Variants in ZNF766 observed in about 807,000 individuals in gnomAD.
The protein encoded by ZNF766 is zinc finger protein 766.
In ZNF766, 13 loss-of-function variants were observed where a neutral mutation model predicts 13.2. The ratio of observed to expected loss-of-function variants is 0.98; its 90% confidence interval spans 0.64 to 1.56. The LOEUF is 1.56. Ranked by LOEUF, ZNF766 falls within the 40% of genes most tolerant of loss-of-function variation. The pLI is 0.00. For missense variants in ZNF766, 521 were observed against 552.2 expected, an observed-to-expected ratio of 0.94 and a Z score of 0.57; for synonymous variants, 178 against 187.6, an observed-to-expected ratio of 0.95 and a Z score of 0.42.
At chr19:52,270,686 T>TG (rs1196768339) in intron 1 of ZNF766, among the ~76,000 whole-genome samples, 1 of 151,254 alleles carries the variant, frequency 6.6e-6, no homozygotes, top group Non-Finnish European at 1.5e-5. Flanking sequence ...GGAGCACAGA[T>TG]GGGAGAAGAA....
chr19:52,277,124 A>T, intron 1 of ZNF766: 1 of 1,030,866 alleles, frequency 9.7e-7, no homozygotes, highest in Non-Finnish European at 1.2e-6. Flanking sequence ...GTTGATTCTA[A>T]ACCCTAAACA....
Position 52,294,816 on chromosome 19 carries a change from A to AAG in ZNF766, c.*3618_*3619insAG, listed in dbSNP as rs1568625641. 1 of 152,118 alleles carries AAG rather than the reference A, an allele frequency of 6.6e-6. No homozygotes were observed. Among genetic ancestry groups the AAG allele is most frequent in the East Asian group, 1.9e-4 (1 of 5,192 alleles). The allele number at this position is 152,118 out of a possible 1,614,324, so 9.4% of individuals were successfully genotyped here. On this transcript the variant is annotated 3_prime_UTR_variant, in exon 4 of 4. Coordinates refer to ENST00000439461, the MANE Select transcript of ZNF766 (RefSeq NM_001010851.3). ...AATATCTTACGTTCCTTTTATAGTTACAGATACAGGTCTCATTGCACAATA... is the reference window on the plus strand; with the variant it reads ...AATATCTTACGTTCCTTTTATAGTTAAGCAGATACAGGTCTCATTGCACAATA...
intron 1 of ZNF766, chr19:52,281,875 G>T: frequency 1.9e-6 from 1 of 539,742 alleles, no homozygotes; most frequent in Non-Finnish European, 3.6e-6. Context: ...GCTAGCTCAG[G>T]TAGATATTGA....
chr19:52,294,278 G>A lies in ZNF766; in HGVS notation c.*3080G>A, dbSNP rs151291347. ...GATGAACACACAGATTGGGAATTTC[G>A]TTTTGCTTTGGTAGATTAACTAGAA... is the stretch of plus-strand genomic sequence containing the variant. On this transcript the variant is annotated 3_prime_UTR_variant, in exon 4 of 4. Transcript: ENST00000439461. 17 of 152,232 alleles carry A rather than the reference G, an allele frequency of 1.1e-4. No individual in the cohort carries two copies. The highest frequency in any genetic ancestry group is 3.9e-4 in the African/African-American group (16 of 41,552). The allele number at this position is 152,232 out of a possible 1,614,324, so 9.4% of individuals were successfully genotyped here. A position where few individuals can be genotyped will look rare whatever the true frequency, so the allele number is the denominator to read the frequency against.
chr19:52,285,533 G>C (rs1161790221), intron 3 of ZNF766, among the ~76,000 whole-genome samples: 1 of 152,202 alleles, frequency 6.6e-6, no homozygotes, highest in African/African-American at 2.4e-5. Flanking sequence ...GAAGGATATT[G>C]CAAGGGTACA....
intron 3 of ZNF766, among the ~76,000 whole-genome samples, chr19:52,284,201 T>G (rs1981693809): frequency 6.6e-6 from 1 of 152,202 alleles, no homozygotes. Flanking sequence ...AGAGCGCTGC[T>G]TCAAAGGAGT....
chr19:52,276,146 G>C (rs540926501), intron 1 of ZNF766, among the ~76,000 whole-genome samples: 1 of 152,258 alleles, frequency 6.6e-6, no homozygotes, highest in South Asian at 2.1e-4. Flanking sequence ...GTTTGTGTAA[G>C]TTCCCTCTGT....
rs1982291819 is a variant in ZNF766 at position 52,295,099 on chromosome 19, T to C, written c.*3901T>C. On this transcript the variant is annotated 3_prime_UTR_variant, in exon 4 of 4. Coordinates refer to ENST00000439461, the MANE Select transcript of ZNF766 (RefSeq NM_001010851.3). ...ACTCTAATAAAATTATATTTTGTGT[T>C]TATATATGCACGTATAGACACATAT... 1 of 151,930 alleles carries C rather than the reference T, an allele frequency of 6.6e-6. No homozygotes were observed. The highest frequency in any genetic ancestry group is 2.4e-5 in the African/African-American group (1 of 41,416). The allele number at this position is 151,930 out of a possible 1,614,324, so 9.4% of individuals were successfully genotyped here.
chr19:52,278,893 T>C (rs1171392883), intron 1 of ZNF766, among the ~76,000 whole-genome samples: 2 of 152,236 alleles, frequency 1.3e-5, no homozygotes, highest in East Asian at 1.9e-4. Flanking sequence ...ATATCACTTG[T>C]CAATTGTTGT....
chr19:52,287,832 C>A (rs959642158), intron 3 of ZNF766, among the ~76,000 whole-genome samples: 1 of 151,848 alleles, frequency 6.6e-6, no homozygotes, highest in African/African-American at 2.4e-5. Flanking sequence ...TCCTCTTTTA[C>A]CTTTCTAATT....
chr19:52,276,021 G>A (rs908699143), intron 1 of ZNF766, among the ~76,000 whole-genome samples: 1 of 152,028 alleles, frequency 6.6e-6, no homozygotes, highest in African/African-American at 2.4e-5. Context: ...TTTGACTTAC[G>A]AGTACTTACC....
intron 1 of ZNF766, 190 bp from the exon 2 acceptor site, chr19:52,281,921 C>CT (rs755266572): frequency 2.9e-6 from 2 of 686,552 alleles, no homozygotes; most frequent in East Asian, 7.3e-5. Flanking sequence ...AATATCATAA[C>CT]TTTTTATGGA....
At chr19:52,272,071 T>A (rs1310112524) in intron 1 of ZNF766, among the ~76,000 whole-genome samples, 1 of 151,114 alleles carries the variant, frequency 6.6e-6, no homozygotes, top group Non-Finnish European at 1.5e-5. Context: ...ATTAATTACA[T>A]CTCTCCCTGT....
At chr19:52,286,720 GAAAT>G (rs993294230) in intron 3 of ZNF766, among the ~76,000 whole-genome samples, 1 of 152,152 alleles carries the variant, frequency 6.6e-6, no homozygotes, top group Non-Finnish European at 1.5e-5. Flanking sequence ...TTGCATTCCT[GAAAT>G]AAATCTTACT....
intron 1 of ZNF766, among the ~76,000 whole-genome samples, chr19:52,277,715 C>G (rs35307376): frequency 0.039 from 5,951 of 152,108 alleles, 157 homozygotes; most frequent in Non-Finnish European, 0.056. Context: ...CTCTTGTGAC[C>G]CAGTGACATG....
At position 52,290,350 on chromosome 19, in the gene ZNF766, T is replaced by TA; in HGVS notation, c.560dup (p.Tyr187Ter). The TA allele has an allele frequency of 1.2e-6, 2 of 1,614,132 alleles. No homozygotes were observed. The highest frequency in any genetic ancestry group is 8.5e-7 in the Non-Finnish European group (1 of 1,180,040). Residue 187 changes from tyrosine (Y) to a stop codon, truncating the protein, a stop_gained and frameshift_variant, in exon 4 of 4, where the codon TAC becomes TAAC. Coordinates refer to ENST00000439461, the MANE Select transcript of ZNF766 (RefSeq NM_001010851.3). LOFTEE classifies it low-confidence loss of function (END_TRUNC). ...GAAAGCACACATTAGGAGAAAACCT[T>TA]ACGAATGTAATGAGCAGGGCAAAGT... ...EQKAHIRRKP[Y>*]ECNEQGKVFR... is the part of the protein sequence containing the mutation.
At position 52,277,610 on chromosome 19, in the gene ZNF766, A is replaced by G. The variant is rs138171032; in HGVS notation, c.19-4501A>G. On this transcript the variant is annotated intron_variant, in intron 1 of 3. Coordinates refer to ENST00000439461, the MANE Select transcript of ZNF766 (RefSeq NM_001010851.3). ...CCTGAAATGCCGGGTGCTGGAGTTGAGAATCTTCTCTGAGTCTGAAGCATC... is the reference window on the plus strand; with the variant it reads ...CCTGAAATGCCGGGTGCTGGAGTTGGGAATCTTCTCTGAGTCTGAAGCATC... 1.0e-5 allele frequency: 15 copies of G among 1,494,848 alleles called. No homozygotes were observed. In the East Asian group the frequency reaches 3.0e-4, roughly 29 times the overall value. The allele number at this position is 1,494,848 out of a possible 1,614,324, so 92.6% of individuals were successfully genotyped here.
chr19:52,283,447 CTTTT>C (rs527871489), intron 3 of ZNF766, 34 bp downstream of exon 3: 207 of 1,367,626 alleles, frequency 1.5e-4, no homozygotes, highest in East Asian at 3.3e-4. Context: ...GAAAGCCACA[CTTTT>C]TTTTTTTTTT....
At chr19:52,289,715 C>T (rs1248105842) in intron 3 of ZNF766, among the ~76,000 whole-genome samples, 1 of 151,984 alleles carries the variant, frequency 6.6e-6, no homozygotes, top group Admixed American at 6.6e-5. Context: ...CTATACATGC[C>T]AGAGTCCGGG....
Sources: allele counts gnomAD v4.1 joint callset (sites outside exome capture counted in the v4.1 genomes callset), GRCh38; gene constraint gnomAD v4.1.1; transcripts MANE v1.5; gene names NCBI Gene and HGNC (gene_info 2026-07-23, HGNC 2026-07-21).